FAM50B: variants seen among roughly 807,000 people sequenced by gnomAD.
FAM50B encodes the protein protein FAM50B.
In FAM50B, 9 loss-of-function variants were observed where a neutral mutation model predicts 25.4. That is an observed-to-expected ratio of 0.35 (90% CI 0.21 to 0.62). The LOEUF is 0.62. Ranked by LOEUF, FAM50B falls within the 20% of genes least tolerant of loss-of-function variation. FAM50B has a pLI of 0.73. For missense variants in FAM50B, 372 were observed against 477.9 expected, an observed-to-expected ratio of 0.78 and a Z score of 2.07; for synonymous variants, 212 against 204.3, an observed-to-expected ratio of 1.04 and a Z score of -0.32.
chr6:3,838,161 T>G, the FAM50B span, among the ~76,000 whole-genome samples: 1 of 152,150 alleles, frequency 6.6e-6, no homozygotes, highest in Non-Finnish European at 1.5e-5. Flanking sequence ...GAAAACAAGC[T>G]GGGACTGGGC....
At chr6:3,842,374 C>T in the FAM50B span, among the ~76,000 whole-genome samples, 6 of 152,230 alleles carry the variant, frequency 3.9e-5, no homozygotes, top group African/African-American at 1.4e-4. Context: ...ATGCTTTCTA[C>T]GTGTTTCTAC....
At position 3,850,523 on chromosome 6, in the gene FAM50B, A is replaced by G; in HGVS notation, c.712A>G (p.Ile238Val). 1 of 1,613,906 alleles carries G rather than the reference A, an allele frequency of 6.2e-7. No individual in the cohort carries two copies. Among genetic ancestry groups the G allele is most frequent in the Non-Finnish European group, 8.5e-7 (1 of 1,180,010 alleles). Residue 238 changes from isoleucine (I) to valine (V), a missense_variant, in exon 2 of 2, where the codon ATC (isoleucine) becomes GTC (valine). By Grantham distance (29) the Ile-to-Val change is conservative. Transcript: ENST00000648326. ...CGCCGGCGTGGAGCAGCTCATGTTC[A>G]TCAAGGAGGACCTCATCCTGCCGCA... The part of the protein sequence containing the change: ...RSAGVEQLMF[I>V]KEDLILPHYH...
upstream of FAM50B, among the ~76,000 whole-genome samples, chr6:3,846,629 G>C (rs1381552088): frequency 6.6e-6 from 1 of 152,156 alleles, no homozygotes; most frequent in Non-Finnish European, 1.5e-5. Flanking sequence ...AATGCTGTTT[G>C]AATCAACTTC....
chr6:3,836,888 A>G, the FAM50B span, among the ~76,000 whole-genome samples: 2 of 152,208 alleles, frequency 1.3e-5, no homozygotes, highest in Non-Finnish European at 2.9e-5. Context: ...CCCTGAGATC[A>G]ACTTCAGCAC....
the FAM50B span, among the ~76,000 whole-genome samples, chr6:3,834,360 A>C: frequency 1.2e-5 from 1 of 80,130 alleles, no homozygotes; most frequent in Admixed American, 1.1e-4. Flanking sequence ...GATATATGGC[A>C]AAAAAAAAAA....
chr6:3,841,622 G>A, the FAM50B span, among the ~76,000 whole-genome samples: 2 of 152,194 alleles, frequency 1.3e-5, no homozygotes, highest in Non-Finnish European at 2.9e-5. Flanking sequence ...TCTCTGATTT[G>A]TTTTGTCTTC....
At chr6:3,849,158 G>T (rs1258708392), upstream of FAM50B, among the ~76,000 whole-genome samples, 1 of 152,200 alleles carries the variant, frequency 6.6e-6, no homozygotes, top group African/African-American at 2.4e-5. Context: ...GGCCAGCCAC[G>T]GCTGGGCAGG....
rs1762213126 is a variant in FAM50B, at chr6:3,850,935, A to G, written c.*146A>G. ...TCTCATGATTCACATTGGTTGTGCT[A>G]TTGCTGATGTTATGCTTTGGTTGCT... On this transcript the variant is annotated 3_prime_UTR_variant, in exon 2 of 2. Coordinates refer to ENST00000648326, the MANE Select transcript of FAM50B (RefSeq NM_012135.3). 1.1e-5 allele frequency: 14 copies of G among 1,311,126 alleles called. No homozygotes were observed. The highest frequency in any genetic ancestry group is 1.4e-5 in the Non-Finnish European group (14 of 970,050). The allele number at this position is 1,311,126 out of a possible 1,614,324, so 81.2% of individuals were successfully genotyped here. A position where few individuals can be genotyped will look rare whatever the true frequency, so the allele number is the denominator to read the frequency against.
At chr6:3,837,179 A>G in the FAM50B span, among the ~76,000 whole-genome samples, 240 of 152,346 alleles carry the variant, frequency 1.6e-3, 1 homozygote, top group African/African-American at 5.6e-3. Flanking sequence ...TAGGCAAACA[A>G]TTCCTACATA....
chr6:3,834,651 C>T, the FAM50B span, among the ~76,000 whole-genome samples: 1 of 151,986 alleles, frequency 6.6e-6, no homozygotes, highest in Non-Finnish European at 1.5e-5. Flanking sequence ...TAAGAATTAT[C>T]TCACAGAGAT....
chr6:3,842,296 G>A, the FAM50B span, among the ~76,000 whole-genome samples: 62 of 152,310 alleles, frequency 4.1e-4, no homozygotes, highest in Admixed American at 2.6e-3. Context: ...CGTAGTGTGC[G>A]AAGCCACATC....
chr6:3,833,052 G>T, the FAM50B span, among the ~76,000 whole-genome samples: 52 of 152,002 alleles, frequency 3.4e-4, no homozygotes, highest in Non-Finnish European at 6.8e-4. Context: ...TAGAGACGAG[G>T]TTTCACCATG....
the FAM50B span, among the ~76,000 whole-genome samples, chr6:3,843,291 G>A: frequency 6.6e-6 from 1 of 152,202 alleles, no homozygotes; most frequent in East Asian, 1.9e-4. Flanking sequence ...GCAACTGAAA[G>A]GACTGGAGGT....
the FAM50B span, among the ~76,000 whole-genome samples, chr6:3,836,516 A>G: frequency 7.9e-5 from 12 of 152,340 alleles, no homozygotes; most frequent in East Asian, 1.7e-3. Context: ...CATCTAGCAG[A>G]CACCAAGACC....
chr6:3,844,659 C>T (rs1445923691), upstream of FAM50B, among the ~76,000 whole-genome samples: 2 of 151,960 alleles, frequency 1.3e-5, no homozygotes, highest in Non-Finnish European at 2.9e-5. Flanking sequence ...TGCAGTGGGC[C>T]GAGATCGCAC....
chr6:3,841,274 T>C, the FAM50B span, among the ~76,000 whole-genome samples: 1 of 152,204 alleles, frequency 6.6e-6, no homozygotes, highest in East Asian at 1.9e-4. Flanking sequence ...CAACCACAGA[T>C]GATAATGCAA....
chr6:3,836,373 G>A, the FAM50B span, among the ~76,000 whole-genome samples: 1 of 152,210 alleles, frequency 6.6e-6, no homozygotes, highest in Non-Finnish European at 1.5e-5. Flanking sequence ...TGGTAGCTGT[G>A]TATAGTGGTT....
Position 3,850,467 on chromosome 6 carries a change from GGCTGCGCAAGGACTTCCTGGA to G in FAM50B, c.664_684del (p.Lys222_Arg228del), listed in dbSNP as rs1268827653. The G allele has an allele frequency of 6.2e-7, 1 of 1,613,436 alleles. No individual in the cohort carries two copies. The highest frequency in any genetic ancestry group is 1.3e-5 in the African/African-American group (1 of 74,952). Reference sequence around the variant, plus strand: ...CAGTTCCTGAAGAAGGCGCTGCAGGGGCTGCGCAAGGACTTCCTGGAGCTGCGCTCCGCCGGCGTGGAGCAG... The same window carrying G: ...CAGTTCCTGAAGAAGGCGCTGCAGGGGCTGCGCTCCGCCGGCGTGGAGCAG... On this transcript the variant is annotated inframe_deletion, in exon 2 of 2. Transcript: ENST00000648326.
chr6:3,850,223 C>A lies in FAM50B; in HGVS notation c.412C>A (p.Arg138Ser). The A allele has an allele frequency of 6.2e-7, 1 of 1,613,270 alleles. No individual in the cohort carries two copies. The highest frequency in any genetic ancestry group is 1.1e-5 in the South Asian group (1 of 91,066). ...DDQADAAEAR[R>S]AGNLGKNPDV... ...CCAGGCCGACGCGGCCGAGGCCAGG[C>A]GCGCCGGAAACCTGGGCAAGAACCC... is the stretch of plus-strand genomic sequence containing the variant. The change falls in exon 2 of 2, where the codon CGC becomes AGC. Residue 138 changes from arginine (R) to serine (S), a missense_variant. Arg to Ser is a moderately radical substitution (Grantham distance 110). Around this residue, in one of 4 missense-constraint regions of FAM50B, gnomAD observed 224 missense variants for 232.2 expected, o/e 0.96. Transcript: ENST00000648326.
Sources: allele counts gnomAD v4.1 joint callset (sites outside exome capture counted in the v4.1 genomes callset), GRCh38; gene constraint gnomAD v4.1.1; regional missense constraint gnomAD v4.1.1; transcripts MANE v1.5; gene names NCBI Gene and HGNC (gene_info 2026-07-23, HGNC 2026-07-21).